SEMA3A: variants seen among roughly 807,000 people sequenced by gnomAD.
The protein encoded by SEMA3A is semaphorin 3A, also known as semaphorin-3A.
Under a neutral mutation model 97.9 loss-of-function variants are expected in SEMA3A, and 29 were observed. The ratio of observed to expected loss-of-function variants is 0.30; its 90% CI spans 0.22 to 0.40. The LOEUF (loss-of-function observed/expected upper bound fraction) is 0.40, where lower values mean the gene tolerates loss of function less well. SEMA3A is among the 10% of genes least tolerant of loss of function. The probability of loss-of-function intolerance (pLI) is 1.00; values close to 1 mark genes in which losing one functional copy is unlikely to be tolerated. For synonymous variants in SEMA3A, 321 were observed against 323.7 expected (o/e 0.99, Z 0.09); for missense variants, 763 against 951.3 (o/e 0.80, Z 2.60).
intron 3 of SEMA3A, among the ~76,000 whole-genome samples, chr7:84,118,280 G>A (rs1310923665): frequency 6.6e-6 from 1 of 152,184 alleles, no homozygotes; most frequent in East Asian, 1.9e-4. Flanking sequence ...TATCAAAGCA[G>A]TAAAAATGCC....
chr7:84,396,341 C>T (rs1312172499), intron 1 of SEMA3A, among the ~76,000 whole-genome samples: 2 of 150,842 alleles, frequency 1.3e-5, no homozygotes, highest in Non-Finnish European at 3.0e-5. Context: ...TTATAATATG[C>T]AATATAATAA....
intron 1 of SEMA3A, among the ~76,000 whole-genome samples, chr7:84,489,531 A>G (rs1362586493): frequency 6.6e-6 from 1 of 152,136 alleles, no homozygotes; most frequent in Non-Finnish European, 1.5e-5. Context: ...CACTAATGTT[A>G]TTCATTAGAA....
At chr7:84,129,275 C>G (rs1795890449) in intron 2 of SEMA3A, 90 bp from the exon 3 acceptor site, 1 of 1,057,346 alleles carries the variant, frequency 9.5e-7, no homozygotes, top group African/African-American at 1.6e-5. Context: ...ATTGGGGCAA[C>G]TGAAGTAAAG....
intron 2 of SEMA3A, among the ~76,000 whole-genome samples, chr7:84,333,618 T>A (rs1801960329): frequency 6.6e-6 from 1 of 152,150 alleles, no homozygotes; most frequent in South Asian, 2.1e-4. Context: ...AAAAATACAG[T>A]TCTAAGACAA....
chr7:84,448,274 C>T (rs1805475975), intron 1 of SEMA3A, among the ~76,000 whole-genome samples: 1 of 152,142 alleles, frequency 6.6e-6, no homozygotes, highest in South Asian at 2.1e-4. Flanking sequence ...GAAACTACTT[C>T]TGTTTCACAC....
chr7:84,304,601 T>G (rs1438584134), intron 3 of SEMA3A, among the ~76,000 whole-genome samples: 1 of 152,140 alleles, frequency 6.6e-6, no homozygotes, highest in Non-Finnish European at 1.5e-5. Context: ...CAAATAAAAT[T>G]AAGTACTGCT....
chr7:84,466,419 C>T (rs1017084694), intron 1 of SEMA3A, among the ~76,000 whole-genome samples: 22 of 152,142 alleles, frequency 1.4e-4, no homozygotes, highest in Non-Finnish European at 2.8e-4. Context: ...GTGATCCACC[C>T]GCCTCAGCCT....
At chr7:84,236,920 G>A (rs1799249521) in intron 3 of SEMA3A, among the ~76,000 whole-genome samples, 1 of 151,802 alleles carries the variant, frequency 6.6e-6, no homozygotes, top group Non-Finnish European at 1.5e-5. Context: ...GATAGATTGT[G>A]TTAATTACCT....
chr7:84,482,613 A>AT lies in SEMA3A; in HGVS notation c.-246+9846dup, dbSNP rs1268143171. The stretch of plus-strand genomic sequence containing the variant: ...TATTTGTCCATTACACTGCCTCCCT[A>AT]TAGAACAGCCCAAGTACCCACCACA... On this transcript the variant is annotated intron_variant, in intron 1 of 3. Coordinates refer to the SEMA3A transcript ENST00000424555. 4.6e-5 allele frequency among the ~76,000 whole-genome samples: 7 copies of AT among 152,258 alleles called. No individual in the cohort carries two copies. The East Asian group carries it at 1.4e-3, about 29-fold the overall frequency.
At chr7:84,161,228 G>T (rs1797024830) in intron 1 of SEMA3A, among the ~76,000 whole-genome samples, 1 of 151,774 alleles carries the variant, frequency 6.6e-6, no homozygotes, top group Non-Finnish European at 1.5e-5. Context: ...GCCAGGTGTT[G>T]TGGCGGGCTC....
At chr7:84,157,956 TTCC>T (rs1183330768) in intron 1 of SEMA3A, among the ~76,000 whole-genome samples, 1 of 152,108 alleles carries the variant, frequency 6.6e-6, no homozygotes, top group Non-Finnish European at 1.5e-5. Context: ...CATTTAAATG[TTCC>T]TCAAGTCCCT....
chr7:84,315,215 C>A (rs560973623), intron 2 of SEMA3A, among the ~76,000 whole-genome samples: 5 of 151,858 alleles, frequency 3.3e-5, no homozygotes, highest in South Asian at 2.1e-4. Context: ...AGGTATGATA[C>A]GAAATAGCAG....
intron 2 of SEMA3A, among the ~76,000 whole-genome samples, chr7:84,369,125 A>G (rs1226578351): frequency 6.6e-6 from 1 of 151,106 alleles, no homozygotes; most frequent in African/African-American, 2.4e-5. Flanking sequence ...TGGACAGATA[A>G]AATACACAAA....
chr7:84,309,778 G>C (rs1801268597), intron 2 of SEMA3A, among the ~76,000 whole-genome samples: 1 of 152,134 alleles, frequency 6.6e-6, no homozygotes, highest in Non-Finnish European at 1.5e-5. Context: ...CTAATATTTT[G>C]ATGAAGTGTT....
chr7:84,377,544 C>A (rs958314507), intron 1 of SEMA3A, among the ~76,000 whole-genome samples: 2 of 151,988 alleles, frequency 1.3e-5, no homozygotes, highest in African/African-American at 2.4e-5. Context: ...GTGGTGCCTC[C>A]AGCTTTGTTC....
chr7:84,364,550 C>A (rs1338004141), intron 2 of SEMA3A, among the ~76,000 whole-genome samples: 1 of 151,466 alleles, frequency 6.6e-6, no homozygotes, highest in Admixed American at 6.6e-5. Flanking sequence ...TGTTATATTG[C>A]ACAATAAACT....
intron 16 of SEMA3A, among the ~76,000 whole-genome samples, chr7:83,962,203 A>C (rs964228592): frequency 6.6e-6 from 1 of 152,112 alleles, no homozygotes; most frequent in African/African-American, 2.4e-5. Flanking sequence ...TACTAGAAAG[A>C]TACGGGGCAT....
chr7:84,218,251 G>A (rs1214717913), intron 3 of SEMA3A, among the ~76,000 whole-genome samples: 1 of 151,814 alleles, frequency 6.6e-6, no homozygotes, highest in Non-Finnish European at 1.5e-5. Context: ...GGTCCTTGTC[G>A]ATGGGATTTT....
intron 3 of SEMA3A, among the ~76,000 whole-genome samples, chr7:84,269,140 T>C (rs1403352063): frequency 6.6e-6 from 1 of 152,154 alleles, no homozygotes; most frequent in Non-Finnish European, 1.5e-5. Flanking sequence ...TAGAATTTTT[T>C]TTCTGTTTAT....
Sources: gnomAD v4.1 joint callset for allele counts (sites outside exome capture counted in the v4.1 genomes callset) on GRCh38, gnomAD v4.1.1 for gene constraint, MANE v1.5 for transcripts, NCBI Gene and HGNC (gene_info 2026-07-23, HGNC 2026-07-21) for gene names.